The following LYPD6B variants were observed in gnomAD, a reference collection of about 807,000 sequenced individuals.
The protein encoded by LYPD6B is LY6/PLAUR domain containing 6B, also known as ly6/PLAUR domain-containing protein 6B.
In LYPD6B, 17 loss-of-function variants were observed where a neutral mutation model predicts 22.8. That is an observed-to-expected ratio of 0.75 (90% CI 0.51 to 1.12). LYPD6B has a LOEUF of 1.12. LYPD6B is among the 50% of genes most tolerant of loss of function. LYPD6B has a pLI of 0.00. For missense variants in LYPD6B, 221 were observed against 258.3 expected (o/e 0.86, Z 0.99); for synonymous variants, 106 against 91.6 (o/e 1.16, Z -0.90).
Position 149,057,281 on chromosome 2 carries a change from A to T in LYPD6B, c.-67+18480A>T, listed in dbSNP as rs549815896. 2.6e-5 allele frequency among the ~76,000 whole-genome samples: 4 copies of T among 152,216 alleles called. No individual in the cohort carries two copies. The South Asian group carries it at 6.3e-4, about 24-fold the overall frequency. ...ATTGGCAAAATGGAATGCAAAACTT[A>T]TGGTCTCAGGCTACAAAAGAAAATG... On this transcript the variant is annotated intron_variant, in intron 1 of 6. Transcript: ENST00000409642.
chr2:149,120,383 A>ATATATATATTTTTTTTTTTT (rs1327065975), intron 1 of LYPD6B, among the ~76,000 whole-genome samples: 1 of 48,614 alleles, frequency 2.1e-5, no homozygotes, highest in African/African-American at 1.1e-4. Context: ...ATATATATAT[A>ATATATATATTTTTTTTTTTT]TTTTTTTTTT....
At chr2:149,119,669 G>T (rs944645107) in intron 1 of LYPD6B, among the ~76,000 whole-genome samples, 1 of 152,182 alleles carries the variant, frequency 6.6e-6, no homozygotes, top group African/African-American at 2.4e-5. Context: ...TGTGAAGAAG[G>T]TCATGGCCAT....
At chr2:149,115,087 C>T (rs143746021) in intron 1 of LYPD6B, among the ~76,000 whole-genome samples, 19 of 152,128 alleles carry the variant, frequency 1.2e-4, no homozygotes, top group African/African-American at 3.6e-4. Context: ...TACAGGCGCT[C>T]GCCACTACAT....
intron 1 of LYPD6B, among the ~76,000 whole-genome samples, chr2:149,087,427 T>G (rs900925276): frequency 1.3e-5 from 2 of 152,130 alleles, no homozygotes; most frequent in Admixed American, 6.6e-5. Context: ...ATGGTTGAGT[T>G]TGACGGCTCA....
chr2:149,130,738 G>A, intron 1 of LYPD6B, 145 bp from the exon 2 acceptor site: 1 of 491,786 alleles, frequency 2.0e-6, no homozygotes, highest in Non-Finnish European at 3.6e-6. Flanking sequence ...CTTGTACCTG[G>A]TTTGTGGTTA....
chr2:149,110,730 C>T (rs974271591), intron 1 of LYPD6B, among the ~76,000 whole-genome samples: 3 of 152,034 alleles, frequency 2.0e-5, no homozygotes, highest in Non-Finnish European at 4.4e-5. Flanking sequence ...TGAATATGGA[C>T]AATGTGAAAG....
At chr2:149,192,289 T>G (rs1199160854) in intron 3 of LYPD6B, among the ~76,000 whole-genome samples, 1 of 152,146 alleles carries the variant, frequency 6.6e-6, no homozygotes, top group Admixed American at 6.6e-5. Flanking sequence ...CGACATATTT[T>G]TGTCGGGAAG....
intron 3 of LYPD6B, among the ~76,000 whole-genome samples, chr2:149,177,917 A>G (rs1466883054): frequency 6.7e-6 from 1 of 149,684 alleles, no homozygotes; most frequent in Admixed American, 6.7e-5. Context: ...ATTATATGCT[A>G]GGCATTGTAA....
intron 4 of LYPD6B, 148 bp downstream of exon 4, chr2:149,205,552 G>A (rs1693459301): frequency 1.1e-6 from 1 of 885,580 alleles, no homozygotes; most frequent in Admixed American, 2.5e-5. Context: ...TTACTTCTAT[G>A]GGTAAGCATA....
intron 1 of LYPD6B, among the ~76,000 whole-genome samples, chr2:149,082,475 G>T (rs1685181336): frequency 6.6e-6 from 1 of 152,190 alleles, no homozygotes; most frequent in African/African-American, 2.4e-5. Flanking sequence ...TTTTAGGAGA[G>T]AAATAGAGAA....
intron 3 of LYPD6B, among the ~76,000 whole-genome samples, chr2:149,183,971 T>A (rs1691927097): frequency 6.6e-6 from 1 of 152,024 alleles, no homozygotes; most frequent in South Asian, 2.1e-4. Flanking sequence ...GGTGGGTGGA[T>A]CACCTGAGGT....
Position 149,214,839 on chromosome 2 carries a change from A to C in LYPD6B, c.*129A>C, listed in dbSNP as rs1173948773. 8.2e-6 allele frequency: 8 copies of C among 979,658 alleles called. No homozygotes were observed. The African/African-American group carries it at 1.1e-4, about 14-fold the overall frequency. 60.7% of individuals were successfully genotyped at this position (979,658 alleles called of 1,614,324 possible). A position where few individuals can be genotyped will look rare whatever the true frequency, so the allele number is the denominator to read the frequency against. ...GAGTGCACATTGGACCTCAAGGCGA[A>C]AGCCAGTGGTTTGCTTGGATAAAAT... is the stretch of plus-strand genomic sequence containing the variant. On this transcript the variant is annotated 3_prime_UTR_variant, in exon 7 of 7. Coordinates refer to ENST00000409642, the MANE Select transcript of LYPD6B (RefSeq NM_177964.5).
At chr2:149,089,214 A>C (rs1003486685) in intron 1 of LYPD6B, among the ~76,000 whole-genome samples, 1 of 152,224 alleles carries the variant, frequency 6.6e-6, no homozygotes, top group Non-Finnish European at 1.5e-5. Context: ...AACATGGATG[A>C]ACATTCCAGG....
chr2:149,059,904 G>A (rs1683995527), intron 1 of LYPD6B, among the ~76,000 whole-genome samples: 3 of 152,198 alleles, frequency 2.0e-5, no homozygotes, highest in Admixed American at 2.0e-4. Context: ...GTCCCAGAAG[G>A]TGACCTAAAG....
At chr2:149,168,453 C>A (rs1470404308) in intron 3 of LYPD6B, among the ~76,000 whole-genome samples, 2 of 152,160 alleles carry the variant, frequency 1.3e-5, no homozygotes, top group East Asian at 3.9e-4. Context: ...TTAACTTTAA[C>A]CTGCCCTTGA....
chr2:149,051,319 C>T (rs1330421636), intron 1 of LYPD6B, among the ~76,000 whole-genome samples: 1 of 152,026 alleles, frequency 6.6e-6, no homozygotes, highest in Non-Finnish European at 1.5e-5. Context: ...CACCTGCCAC[C>T]ACGCCCGGCT....
intron 3 of LYPD6B, among the ~76,000 whole-genome samples, chr2:149,198,985 A>G (rs1198739148): frequency 1.3e-5 from 2 of 152,224 alleles, no homozygotes; most frequent in Non-Finnish European, 2.9e-5. Flanking sequence ...ATCTTAAGAA[A>G]TCAGTGCACA....
chr2:149,043,945 T>TA (rs1683197909), intron 1 of LYPD6B, among the ~76,000 whole-genome samples: 1 of 152,102 alleles, frequency 6.6e-6, no homozygotes, highest in Non-Finnish European at 1.5e-5. Flanking sequence ...AGCTAAAATG[T>TA]AAGGGTTTAT....
chr2:149,136,075 C>T (rs567332001), intron 2 of LYPD6B, among the ~76,000 whole-genome samples: 1 of 152,262 alleles, frequency 6.6e-6, no homozygotes, highest in South Asian at 2.1e-4. Context: ...TGGGGGCTGA[C>T]ATGTAATAGC....
Sources: allele counts gnomAD v4.1 joint callset (sites outside exome capture counted in the v4.1 genomes callset), GRCh38; gene constraint gnomAD v4.1.1; transcripts MANE v1.5; gene names NCBI Gene and HGNC (gene_info 2026-07-23, HGNC 2026-07-21).